WDFY2: variants seen among roughly 807,000 people sequenced by gnomAD.
WDFY2 encodes WD repeat and FYVE domain containing 2.
Under a neutral mutation model 56.4 loss-of-function variants are expected in WDFY2, and 36 were observed. The ratio of observed to expected loss-of-function variants is 0.64; its 90% CI spans 0.49 to 0.84. The LOEUF (loss-of-function observed/expected upper bound fraction) is 0.84, where lower values mean the gene tolerates loss of function less well. Ranked by LOEUF, WDFY2 falls within the 40% of genes least tolerant of loss-of-function variation. The pLI is 0.00. For missense variants in WDFY2, 444 were observed against 512.2 expected (o/e 0.87, Z 1.29); for synonymous variants, 176 against 183.7 (o/e 0.96, Z 0.34).
chr13:51,692,412 G>C (rs1238083989), intron 3 of WDFY2, among the ~76,000 whole-genome samples: 1 of 152,192 alleles, frequency 6.6e-6, no homozygotes, highest in African/African-American at 2.4e-5. Context: ...AAGGGCTGTT[G>C]AATTTTGTCA....
At chr13:51,609,607 G>T (rs4943012) in intron 1 of WDFY2, among the ~76,000 whole-genome samples, 1 of 56,620 alleles carries the variant, frequency 1.8e-5, no homozygotes, top group East Asian at 5.6e-4. Flanking sequence ...CCCAACCCCC[G>T]CCCCCCCGCC....
At chr13:51,633,532 G>A (rs1008468085) in intron 1 of WDFY2, among the ~76,000 whole-genome samples, 1 of 152,146 alleles carries the variant, frequency 6.6e-6, no homozygotes, top group Non-Finnish European at 1.5e-5. Flanking sequence ...CTGGGAACTG[G>A]CTGCTAATTG....
intron 7 of WDFY2, among the ~76,000 whole-genome samples, chr13:51,743,266 G>A (rs541974946): frequency 8.9e-4 from 136 of 152,328 alleles, no homozygotes; most frequent in Non-Finnish European, 1.5e-3. Flanking sequence ...CAGAAGGGCT[G>A]GAAAATGTGG....
intron 7 of WDFY2, among the ~76,000 whole-genome samples, chr13:51,751,079 A>C (rs933436203): frequency 6.6e-6 from 1 of 152,150 alleles, no homozygotes; most frequent in Non-Finnish European, 1.5e-5. Context: ...AAAAGTTGTA[A>C]CTGACAGATT....
chr13:51,665,875 A>G (rs1425107277), intron 2 of WDFY2, among the ~76,000 whole-genome samples: 1 of 152,196 alleles, frequency 6.6e-6, no homozygotes, highest in Non-Finnish European at 1.5e-5. Context: ...GCCAAACAAG[A>G]CATTTTTTTC....
At chr13:51,596,086 C>G (rs974161945) in intron 1 of WDFY2, among the ~76,000 whole-genome samples, 1 of 152,110 alleles carries the variant, frequency 6.6e-6, no homozygotes, top group Admixed American at 6.5e-5. Context: ...TCTCAGTAAC[C>G]TGTTTTAGTG....
intron 1 of WDFY2, among the ~76,000 whole-genome samples, chr13:51,650,907 A>G (rs1164256616): frequency 6.6e-6 from 1 of 152,180 alleles, no homozygotes; most frequent in Non-Finnish European, 1.5e-5. Context: ...AGGCTTTGGT[A>G]TCAGGATGAT....
rs141362456 is a variant in WDFY2 at position 51,725,891 on chromosome 13, A to T, written c.486-1787A>T. ...TTAGTTTTTGTAGAGATGAGGTCTC[A>T]CTTTGTTGCCCAGGCTCAAGTGATC... is the stretch of plus-strand genomic sequence containing the variant. On this transcript the variant is annotated intron_variant, in intron 5 of 11. Transcript: ENST00000298125. 5.3e-5 allele frequency among the ~76,000 whole-genome samples: 8 copies of T among 152,160 alleles called. No individual in the cohort carries two copies. The East Asian group carries it at 1.4e-3, about 26-fold the overall frequency.
chr13:51,663,175 G>A (rs1466037964), intron 2 of WDFY2, among the ~76,000 whole-genome samples: 1 of 152,088 alleles, frequency 6.6e-6, no homozygotes, highest in South Asian at 2.1e-4. Context: ...AACCCAAACC[G>A]TAGATAATTT....
chr13:51,719,174 G>T (rs755936300), intron 4 of WDFY2, 24 bp from the exon 5 acceptor site: 1 of 1,613,576 alleles, frequency 6.2e-7, no homozygotes, highest in South Asian at 1.1e-5. Flanking sequence ...TTTATAGGTT[G>T]TTTTCTTTTC....
At chr13:51,670,728 C>CTT (rs1383395872) in intron 2 of WDFY2, among the ~76,000 whole-genome samples, 2 of 151,806 alleles carry the variant, frequency 1.3e-5, no homozygotes, top group African/African-American at 4.8e-5. Flanking sequence ...TAGAAGCAGT[C>CTT]TTTTTTTTAA....
At chr13:51,671,647 C>T (rs1039673623) in intron 2 of WDFY2, among the ~76,000 whole-genome samples, 5 of 151,594 alleles carry the variant, frequency 3.3e-5, no homozygotes, top group South Asian at 4.2e-4. Context: ...TTGTTGTGTG[C>T]GTTAATTGCT....
rs1953633083 is a variant in WDFY2, at chr13:51,762,917, T to C, written c.*3148T>C. On this transcript the variant is annotated 3_prime_UTR_variant, in exon 12 of 12. Coordinates refer to ENST00000298125, the MANE Select transcript of WDFY2 (RefSeq NM_052950.4). ...AACGAATGACATTACTTGACATTACTGCCTGAGTGTATCTTCACAATAGCA... is the reference window on the plus strand; with the variant it reads ...AACGAATGACATTACTTGACATTACCGCCTGAGTGTATCTTCACAATAGCA... 1 of 152,270 alleles carries C rather than the reference T, an allele frequency of 6.6e-6. No homozygotes were observed. Among genetic ancestry groups the C allele is most frequent in the African/African-American group, 2.4e-5 (1 of 41,480 alleles). 9.4% of individuals were successfully genotyped at this position (152,270 alleles called of 1,614,324 possible). A position where few individuals can be genotyped will look rare whatever the true frequency, so the allele number is the denominator to read the frequency against.
At chr13:51,717,812 C>T (rs1952391826) in intron 4 of WDFY2, among the ~76,000 whole-genome samples, 1 of 152,132 alleles carries the variant, frequency 6.6e-6, no homozygotes, top group Non-Finnish European at 1.5e-5. Context: ...AGTGTCACTG[C>T]TTCCCTATTC....
In WDFY2 at chr13:51,590,460, G is replaced by A. The variant is rs567525133; in HGVS notation, c.137+5636G>A. 7.9e-5 allele frequency: 12 copies of A among 152,276 alleles called. No individual in the cohort carries two copies. In the East Asian group the frequency reaches 2.3e-3, roughly 29 times the overall value. The allele number at this position is 152,276 out of a possible 1,614,324, so 9.4% of individuals were successfully genotyped here. A position where few individuals can be genotyped will look rare whatever the true frequency, so the allele number is the denominator to read the frequency against. ...GCATTTGGCTTTGAGAAAGCATGGA[G>A]AATCATCTTGATGTCATTAGAAATA... On this transcript the variant is annotated intron_variant, in intron 1 of 11. Coordinates refer to ENST00000298125, the MANE Select transcript of WDFY2 (RefSeq NM_052950.4).
chr13:51,719,736 C>A (rs897488262), intron 5 of WDFY2, among the ~76,000 whole-genome samples: 1 of 152,170 alleles, frequency 6.6e-6, no homozygotes, highest in Non-Finnish European at 1.5e-5. Context: ...AAGTTGTGAA[C>A]ATTCCCATTG....
intron 4 of WDFY2, among the ~76,000 whole-genome samples, chr13:51,706,916 A>G (rs1200443512): frequency 6.6e-6 from 1 of 152,266 alleles, no homozygotes; most frequent in Non-Finnish European, 1.5e-5. Context: ...GATAATGATC[A>G]ACAAAGCAAA....
At chr13:51,588,524 C>T (rs1422453843) in intron 1 of WDFY2, 2 of 152,214 alleles carry the variant, frequency 1.3e-5, no homozygotes, top group African/African-American at 4.8e-5. Flanking sequence ...CAGGTACAAA[C>T]ATTGTCCTCT....
rs1593840499 is a variant in WDFY2 at position 51,586,279 on chromosome 13, A to C, written c.137+1455A>C. The C allele has an allele frequency of 1.6e-5, 6 of 383,386 alleles. No individual in the cohort carries two copies. In the East Asian group the frequency reaches 2.2e-4, roughly 14 times the overall value. The allele number at this position is 383,386 out of a possible 1,614,324, so 23.7% of individuals were successfully genotyped here. The stretch of plus-strand genomic sequence containing the variant: ...AAATATATTGAAGGAATATATTGGT[A>C]GATGTCACTTTCCCAGTCTGTAACT... On this transcript the variant is annotated intron_variant, in intron 1 of 11. Transcript: ENST00000298125.
Sources: allele counts gnomAD v4.1 joint callset (sites outside exome capture counted in the v4.1 genomes callset), GRCh38; gene constraint gnomAD v4.1.1; transcripts MANE v1.5; gene names NCBI Gene and HGNC (gene_info 2026-07-23, HGNC 2026-07-21).